The following RAPGEF1 variants were observed in gnomAD, a reference collection of about 807,000 sequenced individuals.
The protein encoded by RAPGEF1 is Rap guanine nucleotide exchange factor 1.
A neutral mutation model predicts 143.3 loss-of-function variants in RAPGEF1; 33 were observed. The ratio of observed to expected loss-of-function variants is 0.23; its 90% CI spans 0.17 to 0.31. The LOEUF (loss-of-function observed/expected upper bound fraction) is 0.31. RAPGEF1 is among the 10% of genes least tolerant of loss of function. RAPGEF1 has a pLI of 1.00. For missense variants in RAPGEF1, 1,199 were observed against 1,645.4 expected, an observed-to-expected ratio of 0.73 and a Z score of 4.69; for synonymous variants, 629 against 676.5, an observed-to-expected ratio of 0.93 and a Z score of 1.09.
chr9:131,609,671 G>A (rs1185374629), intron 12 of RAPGEF1, among the ~76,000 whole-genome samples: 2 of 152,188 alleles, frequency 1.3e-5, no homozygotes, highest in Non-Finnish European at 2.9e-5. Flanking sequence ...CCCCGGAGTC[G>A]AAACGATGCT....
At chr9:131,716,300 T>C (rs1835859522) in intron 1 of RAPGEF1, among the ~76,000 whole-genome samples, 1 of 152,236 alleles carries the variant, frequency 6.6e-6, no homozygotes, top group Non-Finnish European at 1.5e-5. Context: ...TGAGGCTGGT[T>C]CACTGAAGGG....
intron 22 of RAPGEF1, 67 bp downstream of exon 22, chr9:131,587,669 A>G (rs1374711924): frequency 6.9e-7 from 1 of 1,451,720 alleles, no homozygotes; most frequent in Admixed American, 1.9e-5. Flanking sequence ...CTGCAAAGGA[A>G]AACGCAGAGC....
intron 1 of RAPGEF1, among the ~76,000 whole-genome samples, chr9:131,670,384 C>T (rs572003035): frequency 2.6e-4 from 40 of 152,306 alleles, no homozygotes; most frequent in Non-Finnish European, 5.1e-4. Context: ...TCGCTTCTGA[C>T]GCAGATGCCA....
At chr9:131,688,943 C>T (rs1833575147) in intron 1 of RAPGEF1, among the ~76,000 whole-genome samples, 3 of 152,124 alleles carry the variant, frequency 2.0e-5, no homozygotes, top group African/African-American at 7.2e-5. Context: ...CACCTTGGAC[C>T]ACTGTGTCTT....
chr9:131,673,523 T>C (rs1831744303), intron 1 of RAPGEF1, among the ~76,000 whole-genome samples: 1 of 152,214 alleles, frequency 6.6e-6, no homozygotes, highest in African/African-American at 2.4e-5. Context: ...ACATTTAAGA[T>C]GGACTTAGAA....
At chr9:131,725,746 A>G (rs1054796161) in intron 1 of RAPGEF1, among the ~76,000 whole-genome samples, 26 of 150,656 alleles carry the variant, frequency 1.7e-4, no homozygotes, top group African/African-American at 6.1e-4. Flanking sequence ...TTGCCCATTT[A>G]AAAATTGGGT....
intron 16 of RAPGEF1, among the ~76,000 whole-genome samples, chr9:131,597,270 T>A (rs1277255500): frequency 6.6e-6 from 1 of 152,202 alleles, no homozygotes; most frequent in Non-Finnish European, 1.5e-5. Context: ...GTCTTGGGTT[T>A]ACCTCTAGGA....
chr9:131,699,039 G>C (rs1174640969), intron 1 of RAPGEF1, among the ~76,000 whole-genome samples: 1 of 152,132 alleles, frequency 6.6e-6, no homozygotes, highest in Non-Finnish European at 1.5e-5. Flanking sequence ...ATCTCTACCA[G>C]GTCATTCCCA....
At position 131,603,995 on chromosome 9, in the gene RAPGEF1, C is replaced by A; in HGVS notation, c.2378G>T (p.Gly793Val). The A allele has an allele frequency of 7.5e-7, 1 of 1,338,704 alleles. No homozygotes were observed. The allele number at this position is 1,338,704 out of a possible 1,614,324, so 82.9% of individuals were successfully genotyped here. A position where few individuals can be genotyped will look rare whatever the true frequency, so the allele number is the denominator to read the frequency against. ...GGGAGCCAGCTCCTCGCTGCTCTGG[C>A]CAGAGGAATACAGATTGACATATTC... ...EGEYVNLYSS[G>V]QSSEELAPSR... Residue 793 changes from glycine (G) to valine (V), a missense_variant, in exon 14 of 27, where the codon GGC becomes GTC. Around this residue, in one of 6 missense-constraint regions of RAPGEF1, gnomAD observed 293 missense variants for 356.2 expected, o/e 0.82. Transcript: ENST00000683357.
chr9:131,592,625 C>G (rs1159567442), intron 17 of RAPGEF1, among the ~76,000 whole-genome samples: 1 of 152,182 alleles, frequency 6.6e-6, no homozygotes, highest in African/African-American at 2.4e-5. Context: ...AGAGGCTCTG[C>G]CTGTCCTAAG....
chr9:131,589,057 G>A, intron 19 of RAPGEF1, 71 bp from the exon 20 acceptor site: 7 of 1,467,694 alleles, frequency 4.8e-6, no homozygotes, highest in Non-Finnish European at 5.6e-6. Context: ...TTTGCCTTGA[G>A]ACACACAAAG....
chr9:131,706,046 G>A (rs1229647900), intron 1 of RAPGEF1, among the ~76,000 whole-genome samples: 2 of 152,156 alleles, frequency 1.3e-5, no homozygotes, highest in Non-Finnish European at 2.9e-5. Context: ...TAACACAGGG[G>A]AATCCGGGCA....
chr9:131,617,361 G>C (rs1959164240), intron 12 of RAPGEF1, among the ~76,000 whole-genome samples: 1 of 152,230 alleles, frequency 6.6e-6, no homozygotes, highest in Admixed American at 6.5e-5. Context: ...TAGGGATGCT[G>C]GGGGCTCTAA....
At position 131,589,752 on chromosome 9, in the gene RAPGEF1, G is replaced by A. The variant is rs543378100; in HGVS notation, c.2867+134C>T. On this transcript the variant is annotated intron_variant, in intron 19 of 26. Coordinates refer to ENST00000683357, the MANE Select transcript of RAPGEF1 (RefSeq NM_001377935.1). ...ATCTCACCCTGGTCTATCGGGCACA[G>A]GCCATTCTCTCAAAGGACCAAGATA... 2.8e-5 allele frequency: 22 copies of A among 792,682 alleles called. No homozygotes were observed. The African/African-American group carries it at 3.6e-4, about 13-fold the overall frequency. The allele number at this position is 792,682 out of a possible 1,614,324, so 49.1% of individuals were successfully genotyped here.
intron 12 of RAPGEF1, among the ~76,000 whole-genome samples, chr9:131,611,286 G>A (rs1025367303): frequency 2.6e-5 from 4 of 152,072 alleles, no homozygotes; most frequent in African/African-American, 9.7e-5. Flanking sequence ...ATTATGTTGG[G>A]TCCAAAAAAT....
intron 5 of RAPGEF1, among the ~76,000 whole-genome samples, chr9:131,634,770 A>G (rs12001686): frequency 2.8e-4 from 42 of 151,140 alleles, no homozygotes; most frequent in African/African-American, 9.7e-4. Context: ...AAGGGCTTAA[A>G]TAACAGTTGA....
chr9:131,709,872 A>T (rs1835383854), intron 1 of RAPGEF1: 1 of 985,234 alleles, frequency 1.0e-6, no homozygotes, highest in African/African-American at 1.7e-5. Context: ...CTGCCTTTCA[A>T]AATCCCTTTG....
At chr9:131,629,386 G>A in intron 6 of RAPGEF1, 132 bp from the exon 7 acceptor site, 1 of 921,608 alleles carries the variant, frequency 1.1e-6, no homozygotes, top group Non-Finnish European at 1.6e-6. Context: ...CAGGCTCCCT[G>A]GATATAGAAC....
intron 9 of RAPGEF1, 126 bp downstream of exon 9, chr9:131,627,786 GA>G: frequency 1.0e-6 from 1 of 966,334 alleles, no homozygotes; most frequent in East Asian, 2.7e-5. Flanking sequence ...CTGAGGCTCA[GA>G]TTTTAAACAA....
Sources: gnomAD v4.1 joint callset for allele counts (sites outside exome capture counted in the v4.1 genomes callset) on GRCh38, gnomAD v4.1.1 for gene constraint, gnomAD v4.1.1 regional missense constraint, MANE v1.5 for transcripts, NCBI Gene and HGNC (gene_info 2026-07-23, HGNC 2026-07-21) for gene names.